GDPD5: variants seen among roughly 807,000 people sequenced by gnomAD.
GDPD5 encodes the protein glycerophosphodiester phosphodiesterase domain containing 5.
Under a neutral mutation model 75.1 loss-of-function variants are expected in GDPD5, and 48 were observed. The observed-to-expected ratio is 0.64, with a 90% CI of 0.51 to 0.81. The LOEUF is 0.81. GDPD5 is among the 40% of genes least tolerant of loss of function. The probability of loss-of-function intolerance (pLI) is 0.00; values close to 1 mark genes in which losing one functional copy is unlikely to be tolerated. For synonymous variants in GDPD5, 336 were observed against 339.0 expected, an observed-to-expected ratio of 0.99 and a Z score of 0.10; for missense variants, 706 against 822.6, an observed-to-expected ratio of 0.86 and a Z score of 1.73.
chr11:75,506,496 C>T (rs1164381362), intron 1 of GDPD5, among the ~76,000 whole-genome samples: 3 of 152,278 alleles, frequency 2.0e-5, no homozygotes, highest in South Asian at 4.1e-4. Flanking sequence ...CTACTTAAAT[C>T]GCACAAAGCC....
chr11:75,511,297 A>G (rs1250661374), intron 1 of GDPD5, among the ~76,000 whole-genome samples: 1 of 152,202 alleles, frequency 6.6e-6, no homozygotes, highest in East Asian at 1.9e-4. Context: ...TGCACAAAAC[A>G]GCAAGGTCAG....
chr11:75,499,572 C>A (rs1840507725), intron 1 of GDPD5, among the ~76,000 whole-genome samples: 1 of 152,024 alleles, frequency 6.6e-6, no homozygotes, highest in Non-Finnish European at 1.5e-5. Context: ...AAATCATCTT[C>A]ATGAAAACAA....
intron 6 of GDPD5, chr11:75,456,420 C>T (rs1210699258): frequency 1.6e-5 from 5 of 318,750 alleles, no homozygotes; most frequent in Non-Finnish European, 1.2e-5. Flanking sequence ...GCTGTGAGCT[C>T]TGCTGGTTAA....
At chr11:75,509,807 G>A (rs557483915) in intron 1 of GDPD5, among the ~76,000 whole-genome samples, 16 of 152,274 alleles carry the variant, frequency 1.1e-4, no homozygotes, top group Admixed American at 8.5e-4. Context: ...AGCCTCCCGA[G>A]GAGCTGGGAT....
chr11:75,486,487 C>T (rs1950023847), intron 2 of GDPD5, among the ~76,000 whole-genome samples: 1 of 152,220 alleles, frequency 6.6e-6, no homozygotes, highest in Non-Finnish European at 1.5e-5. Context: ...TGACCCCAAA[C>T]TTCCCTTACA....
At chr11:75,524,758 C>G (rs1565230125) in intron 1 of GDPD5, among the ~76,000 whole-genome samples, 2 of 152,204 alleles carry the variant, frequency 1.3e-5, no homozygotes, top group Non-Finnish European at 2.9e-5. Flanking sequence ...CACCTCTACC[C>G]TCAACTCTGA....
chr11:75,483,368 G>A (rs1949959218), intron 2 of GDPD5, among the ~76,000 whole-genome samples: 1 of 152,168 alleles, frequency 6.6e-6, no homozygotes, highest in South Asian at 2.1e-4. Flanking sequence ...ACGCACTATG[G>A]AGCAGAGGCA....
chr11:75,441,119 A>G, intron 14 of GDPD5, 44 bp downstream of exon 14: 2 of 1,597,796 alleles, frequency 1.3e-6, no homozygotes, highest in Non-Finnish European at 1.7e-6. Flanking sequence ...GGCTATAGGC[A>G]GCTCCAGCAC....
chr11:75,509,508 A>G (rs1043999566), intron 1 of GDPD5, among the ~76,000 whole-genome samples: 1 of 152,208 alleles, frequency 6.6e-6, no homozygotes, highest in African/African-American at 2.4e-5. Context: ...GGATTAATAT[A>G]AATTGGACAA....
At chr11:75,462,711 C>A (rs2135296582) in intron 4 of GDPD5, 75 bp downstream of exon 4, 1 of 1,162,570 alleles carries the variant, frequency 8.6e-7, no homozygotes, top group East Asian at 2.5e-5. Context: ...CAGGCTCTAA[C>A]TCCAGCCCCC....
At chr11:75,487,839 G>A (rs556380530) in intron 2 of GDPD5, among the ~76,000 whole-genome samples, 1 of 152,338 alleles carries the variant, frequency 6.6e-6, no homozygotes, top group South Asian at 2.1e-4. Flanking sequence ...GCACAGCTTA[G>A]CATCTCAGAA....
At chr11:75,496,892 C>T (rs1183970172) in intron 1 of GDPD5, among the ~76,000 whole-genome samples, 9 of 150,594 alleles carry the variant, frequency 6.0e-5, no homozygotes, top group East Asian at 4.0e-4. Context: ...ACAATCCTCC[C>T]GCCTCAGCCT....
Position 75,462,882 on chromosome 11 carries a change from C to T in GDPD5, c.125G>A (p.Arg42His), listed in dbSNP as rs1319847200. ...RSHDDTTPWE[R>H]LWFLLLTFTF... ...GAAGGTGAGGAGCAGGAACCAGAGG[C>T]GCTCCCACTGGAAGAGCAGAGGAGG... The change falls in exon 4 of 17, where the codon CGC (arginine) becomes CAC (histidine). Residue 42 changes from arginine (R) to histidine (H), a missense_variant. Coordinates refer to ENST00000336898, the MANE Select transcript of GDPD5 (RefSeq NM_030792.8). The T allele has an allele frequency of 1.5e-5, 24 of 1,613,342 alleles. No individual in the cohort carries two copies. The highest frequency in any genetic ancestry group is 1.1e-4 in the South Asian group (10 of 90,978).
intron 2 of GDPD5, among the ~76,000 whole-genome samples, chr11:75,489,058 G>A (rs1458770378): frequency 2.6e-5 from 4 of 152,006 alleles, no homozygotes; most frequent in South Asian, 4.2e-4. Context: ...AATGTGAGAC[G>A]GAAGGAAAAA....
chr11:75,512,929 C>G (rs1592160885), intron 1 of GDPD5, among the ~76,000 whole-genome samples: 1 of 152,274 alleles, frequency 6.6e-6, no homozygotes, highest in Non-Finnish European at 1.5e-5. Flanking sequence ...AAGACACAGG[C>G]CTTAGCTGCT....
chr11:75,470,553 T>C (rs1949638721), intron 3 of GDPD5, among the ~76,000 whole-genome samples: 2 of 152,204 alleles, frequency 1.3e-5, no homozygotes, highest in African/African-American at 2.4e-5. Flanking sequence ...CTATATATAG[T>C]TCCATATGGA....
At chr11:75,500,878 A>T (rs1201742127) in intron 1 of GDPD5, among the ~76,000 whole-genome samples, 1 of 152,056 alleles carries the variant, frequency 6.6e-6, no homozygotes, top group East Asian at 1.9e-4. Flanking sequence ...CTCATCCCCC[A>T]AACAGCTCTG....
chr11:75,499,712 T>C (rs1458610240), intron 1 of GDPD5, among the ~76,000 whole-genome samples: 2 of 152,178 alleles, frequency 1.3e-5, no homozygotes, highest in Admixed American at 6.5e-5. Flanking sequence ...AAGGAAGAAC[T>C]TCCCTGTAAT....
intron 1 of GDPD5, among the ~76,000 whole-genome samples, chr11:75,521,590 T>C (rs1941457163): frequency 6.6e-6 from 1 of 152,228 alleles, no homozygotes; most frequent in Non-Finnish European, 1.5e-5. Context: ...TGTAGTATTG[T>C]GTGGATACAT....
Sources: allele counts gnomAD v4.1 joint callset (sites outside exome capture counted in the v4.1 genomes callset), GRCh38; gene constraint gnomAD v4.1.1; transcripts MANE v1.5; gene names NCBI Gene and HGNC (gene_info 2026-07-23, HGNC 2026-07-21).